The following ERBB4 variants were observed in gnomAD, a reference collection of about 807,000 sequenced individuals.
ERBB4 encodes the protein erb-b2 receptor tyrosine kinase 4.
In ERBB4, 42 loss-of-function variants were observed where a neutral mutation model predicts 158.0. The ratio of observed to expected loss-of-function variants is 0.27; its 90% CI spans 0.21 to 0.34. The LOEUF is 0.34. ERBB4 is among the 10% of genes least tolerant of loss of function. The pLI, the probability that ERBB4 is intolerant of heterozygous loss-of-function variation, is 1.00. For missense variants in ERBB4, 1,333 were observed against 1,624.1 expected (o/e 0.82, Z 3.08); for synonymous variants, 583 against 558.7 (o/e 1.04, Z -0.61).
intron 4 of ERBB4, among the ~76,000 whole-genome samples, chr2:211,751,371 T>C (rs1439879957): frequency 6.6e-6 from 1 of 152,144 alleles, no homozygotes; most frequent in East Asian, 1.9e-4. Flanking sequence ...GAAATTCCCA[T>C]CGGGACTGAA....
At chr2:211,385,568 A>C (rs1205870838) in intron 27 of ERBB4, among the ~76,000 whole-genome samples, 1 of 152,170 alleles carries the variant, frequency 6.6e-6, no homozygotes, top group Non-Finnish European at 1.5e-5. Context: ...GATTCCTTAA[A>C]CTTCTTAATT....
intron 3 of ERBB4, among the ~76,000 whole-genome samples, chr2:211,862,782 C>A (rs1402552592): frequency 6.6e-6 from 1 of 152,082 alleles, no homozygotes; most frequent in Non-Finnish European, 1.5e-5. Context: ...TAAGATAATA[C>A]CATAAAAGGA....
chr2:212,429,545 T>C (rs549921738), intron 1 of ERBB4, among the ~76,000 whole-genome samples: 1 of 152,346 alleles, frequency 6.6e-6, no homozygotes, highest in Non-Finnish European at 1.5e-5. Context: ...CAAAATTTAC[T>C]ACATTTACTA....
intron 1 of ERBB4, among the ~76,000 whole-genome samples, chr2:212,254,004 G>A (rs576427633): frequency 3.9e-5 from 6 of 152,004 alleles, no homozygotes; most frequent in African/African-American, 1.4e-4. Flanking sequence ...ACACAGAAAA[G>A]GCACAGTAAA....
chr2:212,515,246 C>T (rs1050776425), intron 1 of ERBB4, among the ~76,000 whole-genome samples: 1 of 152,108 alleles, frequency 6.6e-6, no homozygotes, highest in Non-Finnish European at 1.5e-5. Context: ...CATCACTATT[C>T]AGTTAAATAA....
chr2:211,699,405 C>T (rs2073150134), intron 12 of ERBB4, among the ~76,000 whole-genome samples: 2 of 152,106 alleles, frequency 1.3e-5, no homozygotes, highest in Admixed American at 1.3e-4. Flanking sequence ...AGCATTTAGA[C>T]ATTCCCATTT....
chr2:211,610,822 G>A (rs1186904042), intron 19 of ERBB4, among the ~76,000 whole-genome samples: 1 of 152,092 alleles, frequency 6.6e-6, no homozygotes, highest in Non-Finnish European at 1.5e-5. Flanking sequence ...CTTGAGAAAT[G>A]TCCTTTCATT....
chr2:211,416,403 T>G (rs1254680264), intron 25 of ERBB4, among the ~76,000 whole-genome samples: 1 of 152,168 alleles, frequency 6.6e-6, no homozygotes, highest in East Asian at 1.9e-4. Context: ...AGCATGTGTT[T>G]AAATATCTAG....
chr2:212,196,892 G>T (rs1463562020), intron 1 of ERBB4, among the ~76,000 whole-genome samples: 1 of 152,122 alleles, frequency 6.6e-6, no homozygotes, highest in Non-Finnish European at 1.5e-5. Flanking sequence ...AGAACTTTCA[G>T]ATTTTGGATA....
chr2:212,094,497 TTCAA>T (rs1442997496), intron 2 of ERBB4, among the ~76,000 whole-genome samples: 2 of 151,352 alleles, frequency 1.3e-5, no homozygotes, highest in African/African-American at 4.8e-5. Flanking sequence ...AAGTTTAGAT[TTCAA>T]TCAAACTTGT....
intron 1 of ERBB4, among the ~76,000 whole-genome samples, chr2:212,189,162 C>T (rs1184869351): frequency 6.6e-6 from 1 of 151,608 alleles, no homozygotes; most frequent in Non-Finnish European, 1.5e-5. Flanking sequence ...TAAAATGTTC[C>T]AATGAGCACT....
intron 1 of ERBB4, among the ~76,000 whole-genome samples, chr2:212,238,850 A>C (rs1455293229): frequency 6.6e-6 from 1 of 152,036 alleles, no homozygotes; most frequent in East Asian, 1.9e-4. Flanking sequence ...TCTCATGTCA[A>C]ATATAATGGC....
intron 1 of ERBB4, among the ~76,000 whole-genome samples, chr2:212,351,074 A>T (rs2089232536): frequency 6.6e-6 from 1 of 152,164 alleles, no homozygotes; most frequent in Non-Finnish European, 1.5e-5. Context: ...ATGTGATTGT[A>T]CTTGGAGATT....
At chr2:211,518,414 G>A (rs1487581067) in intron 20 of ERBB4, among the ~76,000 whole-genome samples, 1 of 152,054 alleles carries the variant, frequency 6.6e-6, no homozygotes, top group African/African-American at 2.4e-5. Flanking sequence ...CCAGCACTTT[G>A]GGAGGCCAAG....
chr2:212,432,806 C>T (rs925738364), intron 1 of ERBB4, among the ~76,000 whole-genome samples: 1 of 152,056 alleles, frequency 6.6e-6, no homozygotes, highest in Admixed American at 6.6e-5. Context: ...TTTAGTTTGC[C>T]CATTCACTGA....
At chr2:212,143,692 C>T (rs954778383) in intron 1 of ERBB4, among the ~76,000 whole-genome samples, 5 of 152,026 alleles carry the variant, frequency 3.3e-5, no homozygotes, top group African/African-American at 1.2e-4. Context: ...CTACTACAAG[C>T]CTCTTCCTTT....
chr2:212,385,315 G>A (rs1351264470), intron 1 of ERBB4, among the ~76,000 whole-genome samples: 1 of 151,712 alleles, frequency 6.6e-6, no homozygotes, highest in Non-Finnish European at 1.5e-5. Context: ...TCAAATATAT[G>A]GAATATAGTG....
intron 1 of ERBB4, among the ~76,000 whole-genome samples, chr2:212,156,186 A>T (rs1278092746): frequency 6.6e-6 from 1 of 152,040 alleles, no homozygotes; most frequent in Non-Finnish European, 1.5e-5. Context: ...CTTCCCTGAC[A>T]TTTCCTCTGA....
chr2:211,725,729 G>A (rs1184692177), intron 5 of ERBB4, among the ~76,000 whole-genome samples: 1 of 152,052 alleles, frequency 6.6e-6, no homozygotes, highest in East Asian at 1.9e-4. Context: ...AGTAGAAGGT[G>A]TCCCCAGAAA....
Sources: gnomAD v4.1 joint callset for allele counts (sites outside exome capture counted in the v4.1 genomes callset) on GRCh38, gnomAD v4.1.1 for gene constraint, MANE v1.5 for transcripts, NCBI Gene and HGNC (gene_info 2026-07-23, HGNC 2026-07-21) for gene names.